Variants in MPP7 observed in about 807,000 individuals in gnomAD.
The protein encoded by MPP7 is MAGUK p55 scaffold protein 7.
In MPP7, 60 loss-of-function variants were observed where a neutral mutation model predicts 76.5. That is an observed-to-expected ratio of 0.78 (90% CI 0.64 to 0.97). The LOEUF (loss-of-function observed/expected upper bound fraction) is 0.97, where lower values mean the gene tolerates loss of function less well. Ranked by LOEUF, MPP7 falls within the 50% of genes least tolerant of loss-of-function variation. The pLI, the probability that MPP7 is intolerant of heterozygous loss-of-function variation, is 0.00. For synonymous variants in MPP7, 237 were observed against 244.5 expected, an observed-to-expected ratio of 0.97 and a Z score of 0.29; for missense variants, 641 against 694.0, an observed-to-expected ratio of 0.92 and a Z score of 0.86.
intron 2 of MPP7, among the ~76,000 whole-genome samples, chr10:28,212,366 GA>G (rs760172439): frequency 3.3e-5 from 5 of 151,950 alleles, no homozygotes; most frequent in African/African-American, 7.2e-5. Flanking sequence ...GGACATGGGG[GA>G]AAAAAAATCA....
rs1055176731 is a variant in MPP7 at position 28,267,059 on chromosome 10, G to A, written c.-131-28324C>T. On this transcript the variant is annotated intron_variant, in intron 1 of 16. Coordinates refer to ENST00000683449, the MANE Select transcript of MPP7 (RefSeq NM_001318170.2). ...TCTGTTCTGCCATATGCGTTAGTTC[G>A]GGGGCCTAAAAACTACAGCAAGTTG... Among the ~76,000 whole-genome samples, 68 of 152,100 alleles carry A rather than the reference G, an allele frequency of 4.5e-4. 2 individuals are homozygous for A. Among genetic ancestry groups the A allele is most frequent in the African/African-American group, 3.1e-4 (13 of 41,402 alleles).
chr10:28,073,452 G>A (rs548373641), intron 12 of MPP7, among the ~76,000 whole-genome samples: 3 of 152,256 alleles, frequency 2.0e-5, no homozygotes, highest in African/African-American at 7.2e-5. Context: ...GTAGTTTCCA[G>A]TGGGTCTCCC....
At chr10:28,299,414 C>T (rs1291057409) in intron 1 of MPP7, among the ~76,000 whole-genome samples, 1 of 152,126 alleles carries the variant, frequency 6.6e-6, no homozygotes, top group Non-Finnish European at 1.5e-5. Flanking sequence ...ACATATGTAA[C>T]ATTTATCAGT....
In MPP7 at chr10:28,089,783, C is replaced by T. The variant is rs897034461; in HGVS notation, c.1011G>A (p.Met337Ile). The T allele has an allele frequency of 6.2e-7, 1 of 1,602,676 alleles. No individual in the cohort carries two copies. Among genetic ancestry groups the T allele is most frequent in the Non-Finnish European group, 8.5e-7 (1 of 1,170,538 alleles). Reference sequence around the variant, plus strand: ...ACTGATCACTCTTCTTGCATTCATACATGGATTTATTTGTTTTCTTATCTT... The same window carrying T: ...ACTGATCACTCTTCTTGCATTCATATATGGATTTATTTGTTTTCTTATCTT... The part of the protein sequence containing the change: ...SRKDKKTNKS[M>I]YECKKSDQYD... The change falls in exon 12 of 17, where the codon ATG becomes ATA. Residue 337 changes from methionine (M) to isoleucine (I), a missense_variant. Coordinates refer to ENST00000683449, the MANE Select transcript of MPP7 (RefSeq NM_001318170.2).
chr10:28,157,893 C>T (rs1447243490), intron 3 of MPP7, among the ~76,000 whole-genome samples: 1 of 152,214 alleles, frequency 6.6e-6, no homozygotes, highest in African/African-American at 2.4e-5. Flanking sequence ...TTTTTGTTCA[C>T]TATCCTTATC....
chr10:28,085,051 T>C (rs1365347847), intron 12 of MPP7, among the ~76,000 whole-genome samples: 4 of 152,168 alleles, frequency 2.6e-5, no homozygotes, highest in Non-Finnish European at 1.5e-5. Context: ...GAGGTATCTG[T>C]CAGGAAAATG....
chr10:28,157,250 G>C (rs1178097704), intron 3 of MPP7, among the ~76,000 whole-genome samples: 2 of 152,008 alleles, frequency 1.3e-5, no homozygotes, highest in Non-Finnish European at 2.9e-5. Context: ...AAGAAAAAGA[G>C]TAACCGTCAG....
intron 13 of MPP7, among the ~76,000 whole-genome samples, chr10:28,061,005 C>G (rs1851762585): frequency 6.6e-6 from 1 of 152,230 alleles, no homozygotes; most frequent in South Asian, 2.1e-4. Flanking sequence ...AGACCCAAAT[C>G]AATATAACAA....
chr10:28,124,493 T>G (rs1834947502), intron 7 of MPP7, among the ~76,000 whole-genome samples: 1 of 146,812 alleles, frequency 6.8e-6, no homozygotes, highest in South Asian at 2.2e-4. Flanking sequence ...TTTTTTTTTT[T>G]GAGACGGAGT....
chr10:28,302,098 G>GA (rs934953385), intron 1 of MPP7, among the ~76,000 whole-genome samples: 27 of 151,804 alleles, frequency 1.8e-4, no homozygotes, highest in African/African-American at 6.0e-4. Context: ...ATTAGAAAAA[G>GA]AAAAAAATCA....
At chr10:28,249,799 C>G (rs1454004350) in intron 1 of MPP7, among the ~76,000 whole-genome samples, 1 of 152,134 alleles carries the variant, frequency 6.6e-6, no homozygotes, top group Non-Finnish European at 1.5e-5. Context: ...GCACCTTCCC[C>G]TGGTGGGAGG....
In MPP7 at chr10:28,069,821, T is replaced by TTTC; in HGVS notation, c.1152_1154dup (p.Lys385dup). The TTTC allele has an allele frequency of 6.2e-7, 1 of 1,613,972 alleles. No individual in the cohort carries two copies. Among genetic ancestry groups the TTTC allele is most frequent in the Non-Finnish European group, 8.5e-7 (1 of 1,179,982 alleles). Reference sequence around the variant, plus strand: ...GGGTGTCACTGATCAGCAGCTTTCGTTTCAGTTCATTCAGCCCTACTCCCA... The same window carrying TTTC: ...GGGTGTCACTGATCAGCAGCTTTCGTTTCTTCAGTTCATTCAGCCCTACTCCCA... On this transcript the variant is annotated inframe_insertion, in exon 13 of 17. Coordinates refer to ENST00000683449, the MANE Select transcript of MPP7 (RefSeq NM_001318170.2).
At chr10:28,207,301 A>C (rs1837979941) in intron 2 of MPP7, among the ~76,000 whole-genome samples, 1 of 152,198 alleles carries the variant, frequency 6.6e-6, no homozygotes, top group Non-Finnish European at 1.5e-5. Context: ...AAAAAAAAAG[A>C]AAGCACCACA....
intron 3 of MPP7, among the ~76,000 whole-genome samples, chr10:28,152,876 TA>T (rs1835928446): frequency 6.6e-6 from 1 of 152,142 alleles, no homozygotes. Flanking sequence ...TAGCATCAAT[TA>T]TTAAGTATCA....
At chr10:28,292,790 A>G (rs1162340617) in intron 1 of MPP7, among the ~76,000 whole-genome samples, 1 of 152,234 alleles carries the variant, frequency 6.6e-6, no homozygotes, top group African/African-American at 2.4e-5. Context: ...AAATTAGAAC[A>G]GAAACAGACA....
At chr10:28,151,490 C>T (rs1157210386) in intron 3 of MPP7, among the ~76,000 whole-genome samples, 1 of 152,000 alleles carries the variant, frequency 6.6e-6, no homozygotes, top group East Asian at 1.9e-4. Context: ...CTTAACTTAC[C>T]CTATCACAAA....
intron 2 of MPP7, among the ~76,000 whole-genome samples, chr10:28,208,689 C>T (rs1013197370): frequency 1.3e-5 from 2 of 152,190 alleles, no homozygotes; most frequent in Non-Finnish European, 2.9e-5. Context: ...TAACGTCAGG[C>T]CAGCAGCAAA....
At chr10:28,257,515 T>C (rs1174251525) in intron 1 of MPP7, among the ~76,000 whole-genome samples, 1 of 145,052 alleles carries the variant, frequency 6.9e-6, no homozygotes, top group East Asian at 2.1e-4. Flanking sequence ...AAACACCGCA[T>C]ATTCTCACTC....
intron 3 of MPP7, among the ~76,000 whole-genome samples, chr10:28,172,649 G>A (rs796932504): frequency 2.6e-5 from 4 of 152,156 alleles, no homozygotes; most frequent in East Asian, 1.9e-4. Context: ...GAAAGAACTC[G>A]ATATCCAAAA....
Sources: allele counts gnomAD v4.1 joint callset (sites outside exome capture counted in the v4.1 genomes callset), GRCh38; gene constraint gnomAD v4.1.1; transcripts MANE v1.5; gene names NCBI Gene and HGNC (gene_info 2026-07-23, HGNC 2026-07-21).